Variants in JAKMIP2 observed in about 807,000 individuals in gnomAD.
JAKMIP2 encodes the protein janus kinase and microtubule interacting protein 2.
A neutral mutation model predicts 115.0 loss-of-function variants in JAKMIP2; 25 were observed. The observed-to-expected ratio is 0.22, with a 90% CI of 0.16 to 0.30. JAKMIP2 has a LOEUF of 0.30. Among genes scored for constraint, JAKMIP2 ranks in the 10% least tolerant of loss-of-function variants. The pLI, the probability that JAKMIP2 is intolerant of heterozygous loss-of-function variation, is 1.00. For missense variants in JAKMIP2, 642 were observed against 957.6 expected (o/e 0.67, Z 4.35); for synonymous variants, 334 against 343.6 (o/e 0.97, Z 0.31).
At chr5:147,684,364 C>A (rs1760472130) in intron 1 of JAKMIP2, among the ~76,000 whole-genome samples, 1 of 151,468 alleles carries the variant, frequency 6.6e-6, no homozygotes, top group African/African-American at 2.4e-5. Context: ...ATCATGAGGC[C>A]AAGACTATAT....
chr5:147,724,228 T>C (rs566543987), intron 1 of JAKMIP2, among the ~76,000 whole-genome samples: 36 of 152,348 alleles, frequency 2.4e-4, no homozygotes, highest in Middle Eastern at 3.4e-3. Flanking sequence ...AGAGTACTTA[T>C]AATGCAAGGT....
chr5:147,771,998 T>TTGC (rs1262567159), intron 1 of JAKMIP2, among the ~76,000 whole-genome samples: 2 of 152,064 alleles, frequency 1.3e-5, no homozygotes, highest in Non-Finnish European at 2.9e-5. Flanking sequence ...AACCATAGAT[T>TTGC]TGCTGGCACA....
intron 20 of JAKMIP2, among the ~76,000 whole-genome samples, chr5:147,609,260 C>A (rs1363029683): frequency 6.6e-6 from 1 of 152,176 alleles, no homozygotes; most frequent in Non-Finnish European, 1.5e-5. Context: ...GATGCAGTTT[C>A]TTCATAGCGT....
chr5:147,618,592 G>A (rs867393436), intron 18 of JAKMIP2, among the ~76,000 whole-genome samples: 1 of 152,092 alleles, frequency 6.6e-6, no homozygotes, highest in South Asian at 2.1e-4. Flanking sequence ...TAAAAAATTA[G>A]GTGGGCGTGG....
chr5:147,644,780 G>T, intron 6 of JAKMIP2, 70 bp downstream of exon 6: 2 of 1,305,960 alleles, frequency 1.5e-6, no homozygotes, highest in Non-Finnish European at 1.1e-6. Flanking sequence ...GCTGAGAAAT[G>T]GCAATAAGTC....
chr5:147,671,269 G>A (rs1759570039), intron 2 of JAKMIP2, among the ~76,000 whole-genome samples: 1 of 152,202 alleles, frequency 6.6e-6, no homozygotes, highest in African/African-American at 2.4e-5. Flanking sequence ...AAGGTATTGG[G>A]CAGTGGAGTA....
At chr5:147,751,955 C>G (rs563826596) in intron 1 of JAKMIP2, among the ~76,000 whole-genome samples, 1 of 152,034 alleles carries the variant, frequency 6.6e-6, no homozygotes, top group Non-Finnish European at 1.5e-5. Context: ...CAAAGTCTGC[C>G]GTCAGCTTAT....
At chr5:147,676,185 A>C (rs1759947662) in intron 1 of JAKMIP2, among the ~76,000 whole-genome samples, 1 of 152,134 alleles carries the variant, frequency 6.6e-6, no homozygotes, top group Non-Finnish European at 1.5e-5. Flanking sequence ...AATACAAAAA[A>C]ATTAGCCGGA....
At chr5:147,622,295 A>G (rs1278602293) in intron 17 of JAKMIP2, among the ~76,000 whole-genome samples, 1 of 152,200 alleles carries the variant, frequency 6.6e-6, no homozygotes, top group Non-Finnish European at 1.5e-5. Flanking sequence ...ACTCATTTTT[A>G]ATTCATTTTT....
chr5:147,702,363 T>A (rs1337039929), intron 1 of JAKMIP2, among the ~76,000 whole-genome samples: 1 of 148,370 alleles, frequency 6.7e-6, no homozygotes, highest in Non-Finnish European at 1.5e-5. Context: ...ATTGCTTGGG[T>A]GATGGGTGCA....
intron 1 of JAKMIP2, among the ~76,000 whole-genome samples, chr5:147,724,254 T>C (rs1459851542): frequency 6.6e-6 from 1 of 152,348 alleles, no homozygotes; most frequent in East Asian, 1.9e-4. Context: ...TCTTCTACCA[T>C]CTAAGGTGCC....
chr5:147,742,152 TATA>T (rs1754164303), intron 1 of JAKMIP2, among the ~76,000 whole-genome samples: 1 of 118,164 alleles, frequency 8.5e-6, no homozygotes, highest in African/African-American at 3.8e-5. Context: ...TATATATATA[TATA>T]TTTTTTTTAC....
intron 3 of JAKMIP2, among the ~76,000 whole-genome samples, chr5:147,657,573 C>A (rs909023041): frequency 6.6e-6 from 1 of 152,114 alleles, no homozygotes; most frequent in Non-Finnish European, 1.5e-5. Context: ...GAGAAGTTCT[C>A]CTGCATAATA....
intron 10 of JAKMIP2, 141 bp from the exon 11 acceptor site, chr5:147,637,189 CTTGT>C (rs760386276): frequency 7.7e-6 from 5 of 649,112 alleles, no homozygotes; most frequent in Non-Finnish European, 1.4e-5. Context: ...GATCTAAATT[CTTGT>C]TTAAAACTCC....
intron 1 of JAKMIP2, among the ~76,000 whole-genome samples, chr5:147,755,569 A>G (rs1754716211): frequency 6.6e-6 from 1 of 152,220 alleles, no homozygotes; most frequent in South Asian, 2.1e-4. Flanking sequence ...ATTTGATGTT[A>G]GGCACCATTC....
Position 147,650,456 on chromosome 5 carries a change from T to A in JAKMIP2, c.719A>T (p.Gln240Leu). 1 of 1,613,908 alleles carries A rather than the reference T, an allele frequency of 6.2e-7. No individual in the cohort carries two copies. Among genetic ancestry groups the A allele is most frequent in the Non-Finnish European group, 8.5e-7 (1 of 1,179,824 alleles). Residue 240 changes from glutamine (Q) to leucine (L), a missense_variant, in exon 4 of 22, where the codon CAG (glutamine) becomes CTG (leucine). Coordinates refer to ENST00000616793, the MANE Select transcript of JAKMIP2 (RefSeq NM_001270941.2). ...GAGTTGTTCGTCCAAAGCCTCCTTCTGAAGTTGGAGTTTCTGTACATAGCC... is the reference window on the plus strand; with the variant it reads ...GAGTTGTTCGTCCAAAGCCTCCTTCAGAAGTTGGAGTTTCTGTACATAGCC... ...QTGYVQKLQL[Q>L]KEALDEQLFL... is the part of the protein sequence containing the mutation.
intron 1 of JAKMIP2, among the ~76,000 whole-genome samples, chr5:147,672,260 T>G (rs1211117379): frequency 2.0e-5 from 3 of 152,238 alleles, no homozygotes; most frequent in Admixed American, 2.0e-4. Context: ...CTCCTCCATG[T>G]CACTCACTGA....
At chr5:147,745,337 A>T (rs775351349) in intron 1 of JAKMIP2, among the ~76,000 whole-genome samples, 1 of 152,174 alleles carries the variant, frequency 6.6e-6, no homozygotes, top group Non-Finnish European at 1.5e-5. Context: ...AGGTTTCCAA[A>T]CCTTTGAGTT....
intron 1 of JAKMIP2, among the ~76,000 whole-genome samples, chr5:147,683,097 C>A (rs542446889): frequency 6.6e-6 from 1 of 152,156 alleles, no homozygotes; most frequent in African/African-American, 2.4e-5. Flanking sequence ...TCAAACAGAG[C>A]GGGAAGCAAT....
Sources: allele counts gnomAD v4.1 joint callset (sites outside exome capture counted in the v4.1 genomes callset), GRCh38; gene constraint gnomAD v4.1.1; transcripts MANE v1.5; gene names NCBI Gene and HGNC (gene_info 2026-07-23, HGNC 2026-07-21).